The following FHAD1 variants were observed in gnomAD, a reference collection of about 807,000 sequenced individuals.
FHAD1 encodes forkhead-associated domain-containing protein 1.
A neutral mutation model predicts 191.3 loss-of-function variants in FHAD1; 146 were observed. The observed-to-expected ratio is 0.76, with a 90% CI of 0.67 to 0.88. FHAD1 has a LOEUF of 0.88. FHAD1 is among the 40% of genes least tolerant of loss of function. The pLI is 0.00. For missense variants in FHAD1, 1,635 were observed against 1,785.8 expected, an observed-to-expected ratio of 0.92 and a Z score of 1.52; for synonymous variants, 616 against 672.3, an observed-to-expected ratio of 0.92 and a Z score of 1.29.
intron 2 of FHAD1, among the ~76,000 whole-genome samples, chr1:15,270,013 T>C (rs12047902): frequency 0.61 from 91,407 of 150,426 alleles, 28,015 homozygotes; most frequent in East Asian, 0.83. Context: ...TGGGTTCAAG[T>C]GATTCTCCTT....
chr1:15,318,272 GA>G lies in FHAD1; in HGVS notation c.1365+352del, dbSNP rs1675116867. On this transcript the variant is annotated intron_variant, in intron 10 of 33. Transcript: ENST00000688493. This position sits in a 1 kb window ranked among gnomAD's most constrained non-coding sequence, Gnocchi z 4.1. ...ATTTTAATGTCCCTTCCCATCATGG[GA>G]AAAAAAATTGTATTGCATACTCCAG... Among the ~76,000 whole-genome samples, 1 of 151,838 alleles carries G rather than the reference GA, an allele frequency of 6.6e-6. No individual in the cohort carries two copies. The highest frequency in any genetic ancestry group is 2.4e-5 in the African/African-American group (1 of 41,334).
intron 20 of FHAD1, among the ~76,000 whole-genome samples, chr1:15,356,049 T>C (rs192397304): frequency 1.5e-3 from 228 of 152,252 alleles, no homozygotes; most frequent in Non-Finnish European, 2.2e-3. Context: ...AGACAGCCTT[T>C]GTGTTGAGCC....
At chr1:15,320,625 T>G (rs1026019256) in intron 10 of FHAD1, among the ~76,000 whole-genome samples, 4 of 152,358 alleles carry the variant, frequency 2.6e-5, no homozygotes, top group African/African-American at 9.6e-5. Context: ...GCTAGAGATG[T>G]TTTTCCTTTA....
chr1:15,385,217 C>T (rs757207084), intron 31 of FHAD1, among the ~76,000 whole-genome samples: 13 of 150,800 alleles, frequency 8.6e-5, no homozygotes, highest in Non-Finnish European at 1.2e-4. Context: ...CGAAAGGGAA[C>T]CTGTATACAT....
chr1:15,251,239 C>T (rs541450037), intron 1 of FHAD1, among the ~76,000 whole-genome samples: 1 of 150,970 alleles, frequency 6.6e-6, no homozygotes, highest in East Asian at 1.9e-4. Flanking sequence ...TGCTCACTGC[C>T]CTGCAGCCTG....
chr1:15,251,243 C>T (rs1401272613), intron 1 of FHAD1, among the ~76,000 whole-genome samples: 1 of 149,554 alleles, frequency 6.7e-6, no homozygotes, highest in Non-Finnish European at 1.5e-5. Context: ...CACTGCCCTG[C>T]AGCCTGGATG....
chr1:15,336,842 T>C (rs1684340065), intron 14 of FHAD1, among the ~76,000 whole-genome samples: 3 of 152,208 alleles, frequency 2.0e-5, no homozygotes, highest in Admixed American at 2.0e-4. Flanking sequence ...CTTCATTCTC[T>C]TTTTTGAAAC....
intron 33 of FHAD1, 58 bp downstream of exon 33, chr1:15,391,321 T>C (rs1167494240): frequency 8.4e-7 from 1 of 1,183,952 alleles, no homozygotes. Flanking sequence ...TTTTGTTTTG[T>C]TTTGTTTTGC....
intron 2 of FHAD1, among the ~76,000 whole-genome samples, chr1:15,252,424 A>G (rs757251766): frequency 6.6e-6 from 1 of 152,218 alleles, no homozygotes; most frequent in African/African-American, 2.4e-5. Flanking sequence ...TGCTATGGAA[A>G]GGGGAGATAA....
chr1:15,394,639 G>C (rs909380054), intron 33 of FHAD1, among the ~76,000 whole-genome samples: 1 of 152,132 alleles, frequency 6.6e-6, no homozygotes, highest in African/African-American at 2.4e-5. Flanking sequence ...CTTAAGTGAT[G>C]GTCCTAACAG....
intron 18 of FHAD1, 26 bp from the exon 19 acceptor site, chr1:15,349,016 C>G (rs1212023337): frequency 2.7e-6 from 4 of 1,470,970 alleles, no homozygotes; most frequent in Non-Finnish European, 3.7e-6. Flanking sequence ...TGCAGGCCAC[C>G]AAGAGCACTG....
rs117230193 is a variant in FHAD1, at chr1:15,371,587, C to T, written c.3447+2085C>T. ...CCCTCAGGCCAAGCACAGGCTGTGACGGAGCCTTAATGCATGGCTACCCCT... is the reference window on the plus strand; with the variant it reads ...CCCTCAGGCCAAGCACAGGCTGTGATGGAGCCTTAATGCATGGCTACCCCT... On this transcript the variant is annotated intron_variant, in intron 26 of 33. Transcript: ENST00000688493. Among the ~76,000 whole-genome samples the T allele has an allele frequency of 5.1e-3, 776 of 152,296 alleles. 23 individuals carry two copies. The East Asian group carries it at 0.1, about 20-fold the overall frequency.
rs1663565049 is a variant in FHAD1 at position 15,289,105 on chromosome 1, C to T, written c.301-294C>T. Among the ~76,000 whole-genome samples, 1 of 152,234 alleles carries T rather than the reference C, an allele frequency of 6.6e-6. No homozygotes were observed. Among genetic ancestry groups the T allele is most frequent in the South Asian group, 2.1e-4 (1 of 4,830 alleles). On this transcript the variant is annotated intron_variant, in intron 3 of 33. Coordinates refer to ENST00000688493, the MANE Select transcript of FHAD1 (RefSeq NM_001391957.1). The surrounding 1 kb of genome is among the most constrained non-coding windows in gnomAD (Gnocchi z 4.2). ...GCTCAGGTGATCCTCCCACCTCAGC[C>T]TCTCAAGTAGCTGGGACTACAGGCA... is the stretch of plus-strand genomic sequence containing the variant.
chr1:15,377,007 C>T (rs1570444870), intron 28 of FHAD1, among the ~76,000 whole-genome samples: 1 of 152,200 alleles, frequency 6.6e-6, no homozygotes, highest in Non-Finnish European at 1.5e-5. Flanking sequence ...TGCCACTGCT[C>T]TCCAGCAGGG....
intron 27 of FHAD1, among the ~76,000 whole-genome samples, 175 bp from the exon 28 acceptor site, chr1:15,375,428 G>A (rs886078888): frequency 1.3e-5 from 2 of 152,102 alleles, no homozygotes; most frequent in Admixed American, 6.5e-5. Context: ...CCTATGAGCC[G>A]GGTGACCTTG....
At chr1:15,282,264 C>A (rs1251821914) in intron 3 of FHAD1, among the ~76,000 whole-genome samples, 15 of 152,148 alleles carry the variant, frequency 9.9e-5, no homozygotes, top group Non-Finnish European at 1.2e-4. Flanking sequence ...CCAGCCAGTG[C>A]TATGCTGATG....
At position 15,271,669 on chromosome 1, in the gene FHAD1, A is replaced by C. The variant is rs148018724; in HGVS notation, c.94-654A>C. Among the ~76,000 whole-genome samples the C allele has an allele frequency of 4.0e-4, 60 of 149,436 alleles. 1 individual carries two copies. The East Asian group carries it at 0.012, about 29-fold the overall frequency. ...TCAAGGTTTTTCAAAGGTAGTTATA[A>C]AACTATGTATGTAGGGTGTGATTAA... On this transcript the variant is annotated intron_variant, in intron 2 of 33. Transcript: ENST00000688493.
chr1:15,334,896 C>G (rs1558145201), intron 14 of FHAD1, among the ~76,000 whole-genome samples: 1 of 152,218 alleles, frequency 6.6e-6, no homozygotes, highest in Non-Finnish European at 1.5e-5. Context: ...AGGCCTCCTC[C>G]TTAGAATCTG....
intron 1 of FHAD1, among the ~76,000 whole-genome samples, chr1:15,238,668 C>T (rs1302694929): frequency 6.6e-6 from 1 of 152,212 alleles, no homozygotes; most frequent in African/African-American, 2.4e-5. Context: ...GTACACAGCC[C>T]CTGTGCCTCC....
Sources: gnomAD v4.1 joint callset for allele counts (sites outside exome capture counted in the v4.1 genomes callset) on GRCh38, gnomAD v4.1.1 for gene constraint, Gnocchi (gnomAD v3.1) non-coding constraint, MANE v1.5 for transcripts, NCBI Gene and HGNC (gene_info 2026-07-23, HGNC 2026-07-21) for gene names.